ABCA7: variants seen among roughly 807,000 people sequenced by gnomAD.
ABCA7 encodes the protein ATP binding cassette subfamily A member 7, also known as phospholipid-transporting ATPase ABCA7.
ABCA7 carries 261 observed loss-of-function variants against 227.6 expected under a neutral mutation model. That is an observed-to-expected ratio of 1.15 (90% confidence interval 1.04 to 1.27). The LOEUF is 1.27. Ranked by LOEUF, ABCA7 falls within the 50% of genes most tolerant of loss-of-function variation. The pLI is 0.00. For missense variants in ABCA7, 3,331 were observed against 2,924.5 expected (o/e 1.14, Z -3.21); for synonymous variants, 1,488 against 1,279.7 (o/e 1.16, Z -3.47).
At chr19:1,062,633 C>A (rs369906745) in intron 42 of ABCA7, among the ~76,000 whole-genome samples, 1 of 152,078 alleles carries the variant, frequency 6.6e-6, no homozygotes, top group East Asian at 1.9e-4. Flanking sequence ...CTGCCTACCC[C>A]CTAGGGCTTC....
chr19:1,064,160 G>C lies in ABCA7; in HGVS notation c.5952-1G>C. The C allele has an allele frequency of 6.4e-7, 1 of 1,568,156 alleles. No homozygotes were observed. The highest frequency in any genetic ancestry group is 8.6e-7 in the Non-Finnish European group (1 of 1,158,188). ...GAGCTCGTGGTGCCGGGTCCCGACA[G>C]CATGGAGGAGTGTGAAGCGCTCTGC... is the stretch of plus-strand genomic sequence containing the variant. On this transcript the variant is annotated splice_acceptor_variant, in intron 44 of 46. Coordinates refer to ENST00000263094, the MANE Select transcript of ABCA7 (RefSeq NM_019112.4). LOFTEE classifies it high-confidence loss of function.
Position 1,060,398 on chromosome 19 carries a change from A to T in ABCA7, c.5463+1313A>T, listed in dbSNP as rs151335905. Among the ~76,000 whole-genome samples the T allele has an allele frequency of 4.0e-3, 598 of 150,782 alleles. 4 individuals are homozygous for T. The highest frequency in any genetic ancestry group is 0.013 in the African/African-American group (551 of 40,842). On this transcript the variant is annotated intron_variant, in intron 40 of 46. Transcript: ENST00000263094. ...AGCTGATTTTGTATTTTTAGTAGAG[A>T]CGGGGTTTCACCATGTTGGCCAGGC...
chr19:1,061,483 T>G (rs1599719425), intron 40 of ABCA7, among the ~76,000 whole-genome samples: 2 of 144,118 alleles, frequency 1.4e-5, no homozygotes, highest in South Asian at 2.2e-4. Context: ...GATCACAAGG[T>G]CAAGAGATCG....
In ABCA7 at chr19:1,043,440, A is replaced by G. The variant is rs1263354255; in HGVS notation, c.897A>G (p.Pro299=). Residue 299 remains proline (P), a synonymous_variant, in exon 9 of 47, where the codon CCA becomes CCG. Coordinates refer to ENST00000263094, the MANE Select transcript of ABCA7 (RefSeq NM_019112.4). ...PLILGKLLFA[P]DTPFTRKLMA... Reference sequence around the variant, plus strand: ...TCCTCGGGAAGCTACTCTTTGCACCAGATACACCTTTTACCCGGAAGCTCA... The same window carrying G: ...TCCTCGGGAAGCTACTCTTTGCACCGGATACACCTTTTACCCGGAAGCTCA... The G allele has an allele frequency of 1.9e-6, 3 of 1,613,376 alleles. No homozygotes were observed. In the African/African-American group the frequency reaches 4.0e-5, roughly 21 times the overall value.
Position 1,048,824 on chromosome 19 carries a change from C to T in ABCA7, c.2270-71C>T, listed in dbSNP as rs117094519. 21 of 587,416 alleles carry T rather than the reference C, an allele frequency of 3.6e-5. 1 individual carries two copies. The highest frequency in any genetic ancestry group is 2.4e-4 in the South Asian group (8 of 33,712). The allele number at this position is 587,416 out of a possible 1,614,324, so 36.4% of individuals were successfully genotyped here. A position where few individuals can be genotyped will look rare whatever the true frequency, so the allele number is the denominator to read the frequency against. The stretch of plus-strand genomic sequence containing the variant: ...ACTCCGTCTCAAAAAAAAAAAAAAA[C>T]AAAACCCCAAAAAAAGCCTGGTACA... On this transcript the variant is annotated intron_variant, in intron 16 of 46. Coordinates refer to ENST00000263094, the MANE Select transcript of ABCA7 (RefSeq NM_019112.4).
At position 1,048,040 on chromosome 19, in the gene ABCA7, G is replaced by C. The variant is rs1485193975; in HGVS notation, c.2269+386G>C. Among the ~76,000 whole-genome samples, 16 of 151,978 alleles carry C rather than the reference G, an allele frequency of 1.1e-4. No individual in the cohort carries two copies. The East Asian group carries it at 3.1e-3, about 29-fold the overall frequency. ...CTCATCAATACAAAAAGTTAGCTGG[G>C]CGTGGTGGCACGCTGGGCGTGGTGG... On this transcript the variant is annotated intron_variant, in intron 16 of 46. Transcript: ENST00000263094.
chr19:1,052,338 C>A, intron 23 of ABCA7, 52 bp downstream of exon 23: 1 of 1,440,900 alleles, frequency 6.9e-7, no homozygotes, highest in Non-Finnish European at 9.2e-7. Context: ...GGTGGCTGTG[C>A]CTTAACTTGA....
chr19:1,045,963 C>T (rs1208354679), intron 12 of ABCA7, among the ~76,000 whole-genome samples: 1 of 145,874 alleles, frequency 6.9e-6, no homozygotes, highest in Non-Finnish European at 1.6e-5. Flanking sequence ...GCCGAGATGG[C>T]GCCACTGCAC....
At chr19:1,058,400 G>T (rs1046204738) in intron 37 of ABCA7, 131 bp downstream of exon 37, 17 of 1,446,288 alleles carry the variant, frequency 1.2e-5, no homozygotes, top group African/African-American at 2.9e-5. Flanking sequence ...TGGCCCTAAG[G>T]TTGGGCCAAG....
Position 1,043,464 on chromosome 19 carries a change from C to T in ABCA7, c.921C>T (p.Leu307=). The T allele has an allele frequency of 6.2e-7, 1 of 1,613,272 alleles. No homozygotes were observed. Among genetic ancestry groups the T allele is most frequent in the South Asian group, 1.1e-5 (1 of 91,086 alleles). Residue 307 remains leucine, a synonymous_variant, in exon 9 of 47, where the codon CTC becomes CTT. Transcript: ENST00000263094. ...CAGATACACCTTTTACCCGGAAGCT[C>T]ATGGCCCAGGTGGGGGCAGCCTGGA... ...FAPDTPFTRK[L]MAQVNRTFEE...
At chr19:1,050,295 C>T (rs914253915) in intron 18 of ABCA7, among the ~76,000 whole-genome samples, 1 of 151,858 alleles carries the variant, frequency 6.6e-6, no homozygotes, top group African/African-American at 2.4e-5. Context: ...ACCTGTAATC[C>T]CAGCTACTCA....
rs2144751502 is a variant in ABCA7 at position 1,048,190 on chromosome 19, T to TA, written c.2269+536_2269+537insA. On this transcript the variant is annotated intron_variant, in intron 16 of 46. Coordinates refer to ENST00000263094, the MANE Select transcript of ABCA7 (RefSeq NM_019112.4). ...GCAACAGAGTGAGACCTCCATCTCT[T>TA]TAAAAAAAAAAAAAAAAAAAAAGCT... Among the ~76,000 whole-genome samples, 3 of 88,002 alleles carry TA rather than the reference T, an allele frequency of 3.4e-5. 1 individual carries two copies. The South Asian group carries it at 2.0e-3, about 60-fold the overall frequency. 57.7% of individuals were successfully genotyped at this position (88,002 alleles called of 152,430 possible).
Position 1,061,859 on chromosome 19 carries a change from C to T in ABCA7, c.5541C>T (p.Ser1847=). The T allele has an allele frequency of 1.2e-6, 2 of 1,602,036 alleles. No homozygotes were observed. The highest frequency in any genetic ancestry group is 1.7e-6 in the Non-Finnish European group (2 of 1,175,718). Residue 1847 remains serine, a synonymous_variant, in exon 41 of 47, where the codon AGC becomes AGT. Coordinates refer to ENST00000263094, the MANE Select transcript of ABCA7 (RefSeq NM_019112.4). ...FRMVTGDTLA[S]RGEAVLAGHS... ...TGGTGACGGGGGACACATTGGCCAG[C>T]AGGGGCGAGGCTGTGCTGGCAGGCC...
intron 45 of ABCA7, 51 bp from the exon 46 acceptor site, chr19:1,064,880 G>T (rs1205261079): frequency 1.3e-6 from 2 of 1,528,796 alleles, no homozygotes; most frequent in Admixed American, 2.0e-5. Flanking sequence ...GTGAGCTGAG[G>T]TGGGACCTGG....
rs1358480868 is a variant in ABCA7 at position 1,041,591 on chromosome 19, G to C, written c.148G>C (p.Glu50Gln). 2 of 1,612,292 alleles carry C rather than the reference G, an allele frequency of 1.2e-6. No individual in the cohort carries two copies. The highest frequency in any genetic ancestry group is 2.2e-5 in the South Asian group (2 of 91,074). ...TGTTCGCCACTCCCACCCGCCCCTGGAGCACCATGAATGTGAGCCCCCCCA... is the reference window on the plus strand; with the variant it reads ...TGTTCGCCACTCCCACCCGCCCCTGCAGCACCATGAATGTGAGCCCCCCCA... ...VAVRHSHPPL[E>Q]HHECHFPNKP... Residue 50 changes from glutamate (E) to glutamine (Q), a missense_variant, in exon 3 of 47, where the codon GAG (glutamate) becomes CAG (glutamine). Transcript: ENST00000263094.
intron 40 of ABCA7, among the ~76,000 whole-genome samples, chr19:1,061,364 C>CG (rs1210747810): frequency 8.5e-6 from 1 of 117,344 alleles, no homozygotes; most frequent in Non-Finnish European, 1.6e-5. Context: ...GCCATTGCGC[C>CG]GGGGTGACAC....
chr19:1,041,919 G>T lies in ABCA7; in HGVS notation c.249G>T (p.Pro83=). Residue 83 remains proline (P), a synonymous_variant, in exon 4 of 47, where the codon CCG becomes CCT. Transcript: ENST00000263094. ...GTAATGTGAACAACACCTGCTTTCC[G>T]CAGCTGACACCGGGCGAGGAGCCCG... ...LICNVNNTCF[P]QLTPGEEPGR... The T allele has an allele frequency of 1.9e-6, 3 of 1,600,300 alleles. No homozygotes were observed. The highest frequency in any genetic ancestry group is 1.7e-6 in the Non-Finnish European group (2 of 1,178,072).
chr19:1,046,078 G>C (rs1026610606), intron 12 of ABCA7, 152 bp from the exon 13 acceptor site: 4 of 809,874 alleles, frequency 4.9e-6, no homozygotes, highest in Non-Finnish European at 7.7e-6. Context: ...GTTTGATCCC[G>C]GGAGGTCAAG....
rs1398768960 is a variant in ABCA7, at chr19:1,058,868, A to C, written c.5328A>C (p.Val1776=). 2.5e-6 allele frequency: 4 copies of C among 1,579,220 alleles called. No individual in the cohort carries two copies. In the African/African-American group the frequency reaches 4.0e-5, roughly 16 times the overall value. ...TCCTGGGAGAGGAGGACGAGGATGT[A>C]GCCCGTGAACGGGAGCGGGTGGTCC... ...LPLLGEEDED[V]ARERERVVQG... is the part of the protein sequence containing the mutation. Residue 1776 remains valine, a synonymous_variant, in exon 39 of 47, where the codon GTA becomes GTC. Transcript: ENST00000263094.
Sources: gnomAD v4.1 joint callset for allele counts (sites outside exome capture counted in the v4.1 genomes callset) on GRCh38, gnomAD v4.1.1 for gene constraint, MANE v1.5 for transcripts, NCBI Gene and HGNC (gene_info 2026-07-23, HGNC 2026-07-21) for gene names.